PRMT8: variants seen among roughly 807,000 people sequenced by gnomAD.
The protein encoded by PRMT8 is protein arginine N-methyltransferase 8.
In PRMT8, 7 loss-of-function variants were observed where a neutral mutation model predicts 47.1. The ratio of observed to expected loss-of-function variants is 0.15; its 90% CI spans 0.08 to 0.28. The LOEUF (loss-of-function observed/expected upper bound fraction) is 0.28, where lower values mean the gene tolerates loss of function less well. Ranked by LOEUF, PRMT8 falls within the 10% of genes least tolerant of loss-of-function variation. The pLI is 1.00. For synonymous variants in PRMT8, 188 were observed against 186.5 expected, an observed-to-expected ratio of 1.01 and a Z score of -0.07; for missense variants, 237 against 505.4, an observed-to-expected ratio of 0.47 and a Z score of 5.09.
chr12:3,411,190 C>T (rs1464845562), intron 1 of PRMT8, among the ~76,000 whole-genome samples: 2 of 152,212 alleles, frequency 1.3e-5, no homozygotes, highest in Non-Finnish European at 2.9e-5. Context: ...ATTTTGGTTA[C>T]AGCAGTTTGA....
At chr12:3,444,941 G>A (rs954254684) in intron 1 of PRMT8, among the ~76,000 whole-genome samples, 1 of 152,238 alleles carries the variant, frequency 6.6e-6, no homozygotes, top group Admixed American at 6.5e-5. Flanking sequence ...TCTGGAGCTC[G>A]ACCACCTGTG....
intron 4 of PRMT8, among the ~76,000 whole-genome samples, chr12:3,554,187 T>C (rs1866482863): frequency 6.6e-6 from 1 of 152,206 alleles, no homozygotes; most frequent in Non-Finnish European, 1.5e-5. Flanking sequence ...ATGAGGCTGC[T>C]TTTGGGAGTG....
intron 1 of PRMT8, among the ~76,000 whole-genome samples, chr12:3,534,908 G>A (rs1361073047): frequency 6.6e-6 from 1 of 152,258 alleles, no homozygotes; most frequent in African/African-American, 2.4e-5. Flanking sequence ...CCTGGCAAAT[G>A]ACTGGACTTT....
chr12:3,535,528 G>A lies in PRMT8; in HGVS notation c.76-5078G>A, dbSNP rs1029457682. Among the ~76,000 whole-genome samples, 2 of 152,196 alleles carry A rather than the reference G, an allele frequency of 1.3e-5. No homozygotes were observed. The highest frequency in any genetic ancestry group is 2.1e-4 in the South Asian group (1 of 4,830). The stretch of plus-strand genomic sequence containing the variant: ...GGGCCCTGGGCCTGGGCCTTTGGAC[G>A]GAGGTGGGGAAAGAGCAAGGCAGGG... On this transcript the variant is annotated intron_variant, in intron 1 of 9. Coordinates refer to ENST00000382622, the MANE Select transcript of PRMT8 (RefSeq NM_019854.5). This position sits in a 1 kb window ranked among gnomAD's most constrained non-coding sequence, Gnocchi z 4.7.
chr12:3,404,332 T>C (rs1039445341), intron 1 of PRMT8, among the ~76,000 whole-genome samples: 45 of 152,242 alleles, frequency 3.0e-4, no homozygotes, highest in African/African-American at 1.1e-3. Context: ...TTTACCCAGT[T>C]TGATATACGT....
chr12:3,432,773 GTTGGTTT>G (rs973510367), intron 1 of PRMT8, among the ~76,000 whole-genome samples: 3 of 152,090 alleles, frequency 2.0e-5, no homozygotes, highest in Non-Finnish European at 2.9e-5. Context: ...TCTTCGTTTT[GTTGGTTT>G]TTGTTTTGTT....
At chr12:3,432,217 C>G (rs1864688927) in intron 1 of PRMT8, among the ~76,000 whole-genome samples, 1 of 152,128 alleles carries the variant, frequency 6.6e-6, no homozygotes, top group Non-Finnish European at 1.5e-5. Context: ...GACAGGGCTG[C>G]CCACAGCAGG....
intron 2 of PRMT8, among the ~76,000 whole-genome samples, chr12:3,544,446 G>A (rs1353439977): frequency 6.6e-6 from 1 of 152,214 alleles, no homozygotes; most frequent in Non-Finnish European, 1.5e-5. Flanking sequence ...CTCTCTGTTA[G>A]GTTTTGAAGG....
chr12:3,411,065 T>C (rs1202182875), intron 1 of PRMT8, among the ~76,000 whole-genome samples: 1 of 152,198 alleles, frequency 6.6e-6, no homozygotes, highest in Non-Finnish European at 1.5e-5. Flanking sequence ...GAGGCTTGGC[T>C]TCAGTCTTTG....
chr12:3,588,036 C>T (rs1867219148), intron 8 of PRMT8, among the ~76,000 whole-genome samples: 1 of 152,154 alleles, frequency 6.6e-6, no homozygotes, highest in Admixed American at 6.5e-5. Flanking sequence ...CTGTGTAATC[C>T]AGGAAAGCCA....
At chr12:3,429,052 C>T (rs1239068004) in intron 1 of PRMT8, among the ~76,000 whole-genome samples, 1 of 152,128 alleles carries the variant, frequency 6.6e-6, no homozygotes, top group Non-Finnish European at 1.5e-5. Flanking sequence ...TTGACCCCAT[C>T]TTTGTCTCTA....
chr12:3,568,578 G>A (rs1214495583), intron 4 of PRMT8, 128 bp from the exon 5 acceptor site: 4 of 1,017,944 alleles, frequency 3.9e-6, no homozygotes, highest in East Asian at 5.1e-5. Context: ...TAAAGGGTGA[G>A]CTACATCATA....
rs747974680 is a variant in PRMT8 at position 3,570,185 on chromosome 12, G to A, written c.712+621G>A. 1.8e-4 allele frequency among the ~76,000 whole-genome samples: 28 copies of A among 152,122 alleles called. No individual in the cohort carries two copies. The highest frequency in any genetic ancestry group is 3.5e-4 in the Non-Finnish European group (24 of 68,028). On this transcript the variant is annotated intron_variant, in intron 6 of 9. Transcript: ENST00000382622. This position sits in a 1 kb window ranked among gnomAD's most constrained non-coding sequence, Gnocchi z 5.5. ...ATTCTTAATGCCTTATCAGCTAGGC[G>A]TGTGTGGTTCTCTGAGAACAATAAA...
chr12:3,439,946 G>A (rs75970305), intron 1 of PRMT8, among the ~76,000 whole-genome samples: 3,040 of 152,270 alleles, frequency 0.02, 110 homozygotes, highest in African/African-American at 0.067. Context: ...CGGGCACCAC[G>A]GTAGTGTGGA....
intron 1 of PRMT8, among the ~76,000 whole-genome samples, chr12:3,534,664 C>G (rs181953130): frequency 4.6e-5 from 7 of 152,332 alleles, no homozygotes; most frequent in African/African-American, 2.4e-5. Context: ...CTGAAGCGCT[C>G]TCCTCTGTCT....
At chr12:3,528,373 G>A (rs979931349) in intron 1 of PRMT8, among the ~76,000 whole-genome samples, 6 of 151,796 alleles carry the variant, frequency 4.0e-5, no homozygotes. Context: ...GGGTTTTTTG[G>A]ATGATCTTTA....
chr12:3,544,238 G>A (rs1287343153), intron 2 of PRMT8, among the ~76,000 whole-genome samples: 1 of 152,170 alleles, frequency 6.6e-6, no homozygotes, highest in East Asian at 1.9e-4. Flanking sequence ...TCCCAGGAAG[G>A]GGATAGAGGA....
At chr12:3,406,284 T>C (rs1316388162) in intron 1 of PRMT8, among the ~76,000 whole-genome samples, 1 of 152,246 alleles carries the variant, frequency 6.6e-6, no homozygotes, top group Non-Finnish European at 1.5e-5. Context: ...CATTTTTCCC[T>C]CCTTGGCCTC....
chr12:3,437,865 G>A (rs1253624058), intron 1 of PRMT8, among the ~76,000 whole-genome samples: 1 of 152,172 alleles, frequency 6.6e-6, no homozygotes, highest in East Asian at 1.9e-4. Context: ...GATGTACAGT[G>A]TGTGCTTCTA....
Sources: gnomAD v4.1 joint callset for allele counts (sites outside exome capture counted in the v4.1 genomes callset) on GRCh38, gnomAD v4.1.1 for gene constraint, Gnocchi (gnomAD v3.1) non-coding constraint, MANE v1.5 for transcripts, NCBI Gene and HGNC (gene_info 2026-07-23, HGNC 2026-07-21) for gene names.